The following NTM variants were observed in gnomAD, a reference collection of about 807,000 sequenced individuals.
NTM encodes the protein neurotrimin, also known as IgLON family member 2.
In NTM, 13 loss-of-function variants were observed where a neutral mutation model predicts 42.1. The ratio of observed to expected loss-of-function variants is 0.31; its 90% CI spans 0.20 to 0.49. The LOEUF is 0.49. NTM is among the 20% of genes least tolerant of loss of function. NTM has a pLI of 0.99. For missense variants in NTM, 373 were observed against 452.8 expected (o/e 0.82, Z 1.60); for synonymous variants, 187 against 179.2 (o/e 1.04, Z -0.35).
chr11:131,509,160 C>T (rs1232484366), intron 1 of NTM, among the ~76,000 whole-genome samples: 1 of 152,160 alleles, frequency 6.6e-6, no homozygotes, highest in Non-Finnish European at 1.5e-5. Flanking sequence ...AGGAGGATGC[C>T]AGCTGATGCT....
Position 132,061,338 on chromosome 11 carries a change from G to A in NTM, c.168-84944G>A, listed in dbSNP as rs115171613. Among the ~76,000 whole-genome samples the A allele has an allele frequency of 6.6e-3, 1,012 of 152,194 alleles. 13 individuals are homozygous for A. The highest frequency in any genetic ancestry group is 0.022 in the African/African-American group (901 of 41,530). ...CTAAATGTCTTTATCAACACCTTAGGTATTACACTCACTGATGTTTAGCAT... is the reference window on the plus strand; with the variant it reads ...CTAAATGTCTTTATCAACACCTTAGATATTACACTCACTGATGTTTAGCAT... On this transcript the variant is annotated intron_variant, in intron 2 of 8. Transcript: ENST00000683400.
chr11:131,726,656 C>T (rs185796797), intron 1 of NTM, among the ~76,000 whole-genome samples: 1 of 151,366 alleles, frequency 6.6e-6, no homozygotes, highest in Non-Finnish European at 1.5e-5. Context: ...GCCTCAGTTT[C>T]CTGCCTTGTA....
intron 4 of NTM, among the ~76,000 whole-genome samples, chr11:132,277,890 T>C (rs763619312): frequency 5.3e-5 from 8 of 152,114 alleles, no homozygotes; most frequent in Non-Finnish European, 8.8e-5. Context: ...TAAATTCTGG[T>C]TTGAGGACTC....
chr11:131,652,304 C>T (rs2066603868), intron 1 of NTM, among the ~76,000 whole-genome samples: 1 of 152,092 alleles, frequency 6.6e-6, no homozygotes, highest in Non-Finnish European at 1.5e-5. Context: ...CTTGAGATAA[C>T]ACTCACAGTT....
At chr11:131,861,374 C>A (rs1163212262) in intron 1 of NTM, among the ~76,000 whole-genome samples, 2 of 152,198 alleles carry the variant, frequency 1.3e-5, no homozygotes, top group Non-Finnish European at 2.9e-5. Context: ...TGGGTGGCCC[C>A]TCCCCCTCCC....
Position 131,400,501 on chromosome 11 carries a change from C to A in NTM, c.82+29613C>A, listed in dbSNP as rs1945016193. Among the ~76,000 whole-genome samples, 5 of 152,316 alleles carry A rather than the reference C, an allele frequency of 3.3e-5. No homozygotes were observed. The South Asian group carries it at 1.0e-3, about 32-fold the overall frequency. ...GCTTGAATCCTGATGCTACCACTTACTGTGTGACCTTCAACAATTTATTTA... is the reference window on the plus strand; with the variant it reads ...GCTTGAATCCTGATGCTACCACTTAATGTGTGACCTTCAACAATTTATTTA... On this transcript the variant is annotated intron_variant, in intron 1 of 8. Transcript: ENST00000683400.
chr11:132,041,184 T>C (rs1269148996), intron 2 of NTM, among the ~76,000 whole-genome samples: 1 of 145,786 alleles, frequency 6.9e-6, no homozygotes, highest in Non-Finnish European at 1.5e-5. Context: ...GCTCTGCCTT[T>C]TTGTTTGTGT....
chr11:131,735,749 C>T lies in NTM; in HGVS notation c.83-175815C>T, dbSNP rs1313126960. Among the ~76,000 whole-genome samples, 9 of 151,802 alleles carry T rather than the reference C, an allele frequency of 5.9e-5. No individual in the cohort carries two copies. The East Asian group carries it at 7.8e-4, about 13-fold the overall frequency. ...TTTCCATGGTTCCTTCAGCAAAGATCGATGTGTCCAGGCCCACACTGTGGT... is the reference window on the plus strand; with the variant it reads ...TTTCCATGGTTCCTTCAGCAAAGATTGATGTGTCCAGGCCCACACTGTGGT... On this transcript the variant is annotated intron_variant, in intron 1 of 8. Transcript: ENST00000683400.
At chr11:131,910,474 CCCCGCGCCCTCCCG>C (rs2054592197) in intron 1 of NTM, among the ~76,000 whole-genome samples, 1 of 151,480 alleles carries the variant, frequency 6.6e-6, no homozygotes, top group South Asian at 2.1e-4. Flanking sequence ...GCGCCCCGCG[CCCCGCGCCCTCCCG>C]CCGGGATGAG....
At chr11:132,257,167 G>A (rs1336080340) in intron 4 of NTM, among the ~76,000 whole-genome samples, 6 of 152,308 alleles carry the variant, frequency 3.9e-5, no homozygotes, top group Non-Finnish European at 7.4e-5. Flanking sequence ...AGAAAGCAGC[G>A]GCTTTTGTCA....
intron 1 of NTM, among the ~76,000 whole-genome samples, chr11:131,646,519 C>T (rs1238542598): frequency 1.3e-5 from 2 of 152,178 alleles, no homozygotes; most frequent in African/African-American, 4.8e-5. Context: ...TTAGAATATT[C>T]AGTGCCATGG....
chr11:132,185,966 C>T (rs1271398144), intron 3 of NTM, among the ~76,000 whole-genome samples: 1 of 152,142 alleles, frequency 6.6e-6, no homozygotes, highest in African/African-American at 2.4e-5. Context: ...AAATAACTGC[C>T]GCCCTTGCCT....
chr11:131,604,073 T>C (rs1374110345), intron 1 of NTM, among the ~76,000 whole-genome samples: 1 of 152,214 alleles, frequency 6.6e-6, no homozygotes, highest in East Asian at 1.9e-4. Flanking sequence ...ATATGATAAC[T>C]GTGTTTAAAA....
intron 2 of NTM, among the ~76,000 whole-genome samples, chr11:132,046,857 T>G (rs1489665638): frequency 6.6e-6 from 1 of 152,246 alleles, no homozygotes; most frequent in Non-Finnish European, 1.5e-5. Context: ...ATCTACCATA[T>G]ATCTATCATC....
chr11:131,370,977 G>C (rs967016016), intron 1 of NTM, 89 bp downstream of exon 1: 5 of 1,578,786 alleles, frequency 3.2e-6, no homozygotes, highest in Non-Finnish European at 3.4e-6. Context: ...AGTCGGCTGT[G>C]CTGCGCTGTT....
At chr11:131,876,130 A>G (rs780694791) in intron 1 of NTM, among the ~76,000 whole-genome samples, 1 of 152,174 alleles carries the variant, frequency 6.6e-6, no homozygotes, top group Non-Finnish European at 1.5e-5. Flanking sequence ...TCCCTCTCCA[A>G]AGCGATTTAT....
chr11:132,211,775 TA>T, intron 3 of NTM: 1 of 337,222 alleles, frequency 3.0e-6, no homozygotes, highest in Non-Finnish European at 5.5e-6. Flanking sequence ...GGAGAACAGC[TA>T]TTCCAGTGTT....
chr11:131,472,733 A>G (rs1328546131), intron 1 of NTM, among the ~76,000 whole-genome samples: 1 of 152,176 alleles, frequency 6.6e-6, no homozygotes, highest in Non-Finnish European at 1.5e-5. Context: ...TATACCTTAT[A>G]ATAGCCCTCT....
rs537101055 is a variant in NTM at position 131,622,005 on chromosome 11, G to T, written c.82+251117G>T. On this transcript the variant is annotated intron_variant, in intron 1 of 8. Coordinates refer to ENST00000683400, the MANE Select transcript of NTM (RefSeq NM_001352005.2). ...GTCTCTCCTTTGGGAAAGTACATGAGCCAGGAAAGCCACATTCCTGAGAAG... is the reference window on the plus strand; with the variant it reads ...GTCTCTCCTTTGGGAAAGTACATGATCCAGGAAAGCCACATTCCTGAGAAG... Among the ~76,000 whole-genome samples, 5 of 152,284 alleles carry T rather than the reference G, an allele frequency of 3.3e-5. No individual in the cohort carries two copies. In the South Asian group the frequency reaches 1.0e-3, roughly 32 times the overall value.
Sources: gnomAD v4.1 joint callset for allele counts (sites outside exome capture counted in the v4.1 genomes callset) on GRCh38, gnomAD v4.1.1 for gene constraint, MANE v1.5 for transcripts, NCBI Gene and HGNC (gene_info 2026-07-23, HGNC 2026-07-21) for gene names.